Variants in BTNL9 observed in about 807,000 individuals in gnomAD.
The protein encoded by BTNL9 is butyrophilin like 9, also known as butyrophilin-like protein 9.
In BTNL9, 45 loss-of-function variants were observed where a neutral mutation model predicts 45.8. That is an observed-to-expected ratio of 0.98 (90% CI 0.77 to 1.26). The LOEUF (loss-of-function observed/expected upper bound fraction) is 1.26. Ranked by LOEUF, BTNL9 falls within the 50% of genes most tolerant of loss-of-function variation. The pLI is 0.00. For missense variants in BTNL9, 784 were observed against 729.7 expected (o/e 1.07, Z -0.86); for synonymous variants, 346 against 330.8 (o/e 1.05, Z -0.50).
At position 181,059,335 on chromosome 5, in the gene BTNL9, C is replaced by T; in HGVS notation, c.1081C>T (p.Pro361Ser). The change falls in exon 11 of 11, where the codon CCT becomes TCT. Residue 361 changes from proline (P) to serine (S), a missense_variant. Transcript: ENST00000327705. ...CCGCGGGGCGCCGCCAGGCCCGGCG[C>T]CTGGCCACCCGCAGCGGTTCTCGGA... ...SSRGAPPGPA[P>S]GHPQRFSEQT... is the part of the protein sequence containing the mutation. 8 of 1,548,098 alleles carry T rather than the reference C, an allele frequency of 5.2e-6. No homozygotes were observed. The highest frequency in any genetic ancestry group is 7.0e-6 in the Non-Finnish European group (8 of 1,150,308).
intron 1 of BTNL9, among the ~76,000 whole-genome samples, chr5:181,040,781 G>A (rs1446984401): frequency 6.6e-5 from 10 of 152,230 alleles, no homozygotes; most frequent in Non-Finnish European, 1.3e-4. Flanking sequence ...AGCGCAGGCA[G>A]TGAGCACTAG....
chr5:181,056,819 A>G (rs1377071482), intron 9 of BTNL9: 7 of 551,794 alleles, frequency 1.3e-5, no homozygotes, highest in Non-Finnish European at 2.3e-5. Context: ...AAGTTTGCCA[A>G]TCAGTGGGGA....
chr5:181,045,666 C>T, intron 2 of BTNL9, 68 bp downstream of exon 2: 1 of 1,273,274 alleles, frequency 7.9e-7, no homozygotes, highest in Non-Finnish European at 1.1e-6. Flanking sequence ...CTCCCCAGGG[C>T]TACGATCTTA....
intron 9 of BTNL9, among the ~76,000 whole-genome samples, chr5:181,057,428 G>T (rs1582150532): frequency 6.6e-6 from 1 of 152,264 alleles, no homozygotes; most frequent in South Asian, 2.1e-4. Flanking sequence ...CCATTCCAGG[G>T]CTGCCACTGA....
At position 181,045,459 on chromosome 5, in the gene BTNL9, C is replaced by T. The variant is rs1168116335; in HGVS notation, c.-23-8C>T. The T allele has an allele frequency of 4.1e-6, 6 of 1,473,430 alleles. No individual in the cohort carries two copies. Among genetic ancestry groups the T allele is most frequent in the Admixed American group, 1.7e-5 (1 of 59,780 alleles). The allele number at this position is 1,473,430 out of a possible 1,614,324, so 91.3% of individuals were successfully genotyped here. A position where few individuals can be genotyped will look rare whatever the true frequency, so the allele number is the denominator to read the frequency against. ...ACGTCGCTCCAGCACCCCTTTGTCCCTCTCCAGGTGGCCCCCACTGCTGAC... is the reference window on the plus strand; with the variant it reads ...ACGTCGCTCCAGCACCCCTTTGTCCTTCTCCAGGTGGCCCCCACTGCTGAC... On this transcript the variant is annotated splice_region_variant and splice_polypyrimidine_tract_variant and intron_variant, in intron 1 of 10. Coordinates refer to ENST00000327705, the MANE Select transcript of BTNL9 (RefSeq NM_152547.5).
Position 181,061,343 on chromosome 5 carries a change from A to C in BTNL9, c.*1481A>C, listed in dbSNP as rs1762127931. 6.6e-6 allele frequency: 1 copy of C among 152,180 alleles called. No homozygotes were observed. The highest frequency in any genetic ancestry group is 1.5e-5 in the Non-Finnish European group (1 of 68,034). 9.4% of individuals were successfully genotyped at this position (152,180 alleles called of 1,614,324 possible). A position where few individuals can be genotyped will look rare whatever the true frequency, so the allele number is the denominator to read the frequency against. ...CAATGTGGCTTTGCTGTGGGTTTGA[A>C]ATTTTGCAAACTAAGAGTTGGGTGG... On this transcript the variant is annotated 3_prime_UTR_variant, in exon 11 of 11. Coordinates refer to ENST00000327705, the MANE Select transcript of BTNL9 (RefSeq NM_152547.5).
At chr5:181,047,619 G>A (rs758443563) in intron 2 of BTNL9, 15 of 649,062 alleles carry the variant, frequency 2.3e-5, no homozygotes, top group East Asian at 6.7e-5. Context: ...ATTCCATTTC[G>A]CTTAATGCCT....
intron 10 of BTNL9, chr5:181,059,014 T>G: frequency 3.0e-6 from 1 of 336,658 alleles, no homozygotes; most frequent in Non-Finnish European, 4.2e-6. Context: ...GACCTTCCAG[T>G]TCAGGAAAGG....
At chr5:181,049,440 G>C (rs879542863) in intron 3 of BTNL9, among the ~76,000 whole-genome samples, 8 of 152,124 alleles carry the variant, frequency 5.3e-5, no homozygotes, top group Admixed American at 4.6e-4. Context: ...ATTGTTAAGA[G>C]AGAAAAGTAA....
Position 181,053,842 on chromosome 5 carries a change from C to T in BTNL9, c.886+341C>T. The stretch of plus-strand genomic sequence containing the variant: ...CGCCACCTCGTCCAGGTTTTCATAG[C>T]GCACAGGGAGTCGGGCGGATGCGCA... On this transcript the variant is annotated intron_variant, in intron 6 of 10. Transcript: ENST00000327705. This position sits in a 1 kb window ranked among gnomAD's most constrained non-coding sequence, Gnocchi z 6.5. The T allele has an allele frequency of 1.3e-6, 2 of 1,510,734 alleles. No individual in the cohort carries two copies. Among genetic ancestry groups the T allele is most frequent in the Non-Finnish European group, 1.8e-6 (2 of 1,130,884 alleles). 93.6% of individuals were successfully genotyped at this position (1,510,734 alleles called of 1,614,324 possible). A position where few individuals can be genotyped will look rare whatever the true frequency, so the allele number is the denominator to read the frequency against.
intron 9 of BTNL9, chr5:181,057,030 G>GTA: frequency 6.3e-6 from 1 of 158,480 alleles, no homozygotes; most frequent in African/African-American, 2.4e-5. Context: ...GTGTGTGTGT[G>GTA]TGTGTGTGTG....
intron 1 of BTNL9, among the ~76,000 whole-genome samples, chr5:181,044,583 T>C (rs960781466): frequency 3.9e-5 from 6 of 152,192 alleles, no homozygotes. Context: ...GAGATTTCGG[T>C]CCAGCCAATG....
intron 6 of BTNL9, 117 bp from the exon 7 acceptor site, chr5:181,054,122 T>TG: frequency 6.4e-7 from 1 of 1,561,904 alleles, no homozygotes. Flanking sequence ...CCACCGCGGG[T>TG]GGGAGTGCCG....
At position 181,053,555 on chromosome 5, in the gene BTNL9, GT is replaced by G. The variant is rs1359863025; in HGVS notation, c.886+55del. On this transcript the variant is annotated intron_variant, in intron 6 of 10. Coordinates refer to ENST00000327705, the MANE Select transcript of BTNL9 (RefSeq NM_152547.5). The surrounding 1 kb of genome is among the most constrained non-coding windows in gnomAD (Gnocchi z 6.5). ...ACCTGCCCAAGTGCCAAAACCCGCCGTCATCTAAAGGCTGTGGGTCCCGTTA... is the reference window on the plus strand; with the variant it reads ...ACCTGCCCAAGTGCCAAAACCCGCCGCATCTAAAGGCTGTGGGTCCCGTTA... 3 of 1,553,928 alleles carry G rather than the reference GT, an allele frequency of 1.9e-6. No homozygotes were observed. Among genetic ancestry groups the G allele is most frequent in the Non-Finnish European group, 2.6e-6 (3 of 1,148,556 alleles).
In BTNL9 at chr5:181,054,267, C is replaced by A. The variant is rs368105479; in HGVS notation, c.907+8C>A. 6.2e-7 allele frequency: 1 copy of A among 1,601,918 alleles called. No individual in the cohort carries two copies. Among genetic ancestry groups the A allele is most frequent in the Non-Finnish European group, 8.5e-7 (1 of 1,177,102 alleles). ...AACTCACTGCAGAGCTGGGTAAGTT[C>A]TGGGTGCGGGGCCACAGTGCTGCCT... On this transcript the variant is annotated splice_region_variant and intron_variant, in intron 7 of 10. Coordinates refer to ENST00000327705, the MANE Select transcript of BTNL9 (RefSeq NM_152547.5).
chr5:181,053,387 C>T lies in BTNL9; in HGVS notation c.853+71C>T, dbSNP rs1761684252. On this transcript the variant is annotated intron_variant, in intron 5 of 10. Transcript: ENST00000327705. This position sits in a 1 kb window ranked among gnomAD's most constrained non-coding sequence, Gnocchi z 6.5. ...GAACCCCGGGGCCGCGGAGGCGCCT[C>T]CCCCCAGGACGCGGCGCGGGAAGGC... 12 of 1,515,296 alleles carry T rather than the reference C, an allele frequency of 7.9e-6. No individual in the cohort carries two copies. Among genetic ancestry groups the T allele is most frequent in the Non-Finnish European group, 1.1e-5 (12 of 1,130,554 alleles). The allele number at this position is 1,515,296 out of a possible 1,614,324, so 93.9% of individuals were successfully genotyped here.
At position 181,050,686 on chromosome 5, in the gene BTNL9, T is replaced by C. The variant is rs113275601; in HGVS notation, c.736+317T>C. On this transcript the variant is annotated intron_variant, in intron 4 of 10. Coordinates refer to ENST00000327705, the MANE Select transcript of BTNL9 (RefSeq NM_152547.5). The surrounding 1 kb of genome is among the most constrained non-coding windows in gnomAD (Gnocchi z 4.9). ...TCGTAATGCTGTCTCTCAAACAGTA[T>C]GTATTGAGTTTCCACAACGTGACCC... Among the ~76,000 whole-genome samples the C allele has an allele frequency of 9.7e-3, 1,481 of 152,300 alleles. 23 individuals are homozygous for C. The highest frequency in any genetic ancestry group is 0.034 in the African/African-American group (1,396 of 41,564).
Position 181,055,317 on chromosome 5 carries a change from T to C in BTNL9, c.908-116T>C, listed in dbSNP as rs1455442808. On this transcript the variant is annotated intron_variant, in intron 7 of 10. Transcript: ENST00000327705. This position sits in a 1 kb window ranked among gnomAD's most constrained non-coding sequence, Gnocchi z 4.4. ...AGAGGAAGCTGTAAAAAAAAAAAAA[T>C]GAAGCTGTGATTAGCAGTGGCTTAA... 1 of 1,546,950 alleles carries C rather than the reference T, an allele frequency of 6.5e-7. No individual in the cohort carries two copies. The highest frequency in any genetic ancestry group is 8.7e-7 in the Non-Finnish European group (1 of 1,150,770).
At chr5:181,045,782 C>A (rs1361097701) in intron 2 of BTNL9, among the ~76,000 whole-genome samples, 184 bp downstream of exon 2, 1 of 139,646 alleles carries the variant, frequency 7.2e-6, no homozygotes, top group African/African-American at 2.8e-5. Flanking sequence ...TGATGTTCCT[C>A]CACCATCTCC....
Sources: allele counts gnomAD v4.1 joint callset (sites outside exome capture counted in the v4.1 genomes callset), GRCh38; gene constraint gnomAD v4.1.1; non-coding constraint Gnocchi (gnomAD v3.1); transcripts MANE v1.5; gene names NCBI Gene and HGNC (gene_info 2026-07-23, HGNC 2026-07-21).